The following C8orf74 variants were observed in gnomAD, a reference collection of about 807,000 sequenced individuals.
C8orf74 encodes chromosome 8 open reading frame 74.
In C8orf74, 29 loss-of-function variants were observed where a neutral mutation model predicts 22.2. That is an observed-to-expected ratio of 1.31 (90% CI 0.97 to 1.78). C8orf74 has a LOEUF of 1.78. Ranked by LOEUF, C8orf74 falls within the 40% of genes most tolerant of loss-of-function variation. The pLI, the probability that C8orf74 is intolerant of heterozygous loss-of-function variation, is 0.00. For missense variants in C8orf74, 515 were observed against 369.9 expected, an observed-to-expected ratio of 1.39 and a Z score of -3.22; for synonymous variants, 255 against 163.1, an observed-to-expected ratio of 1.56 and a Z score of -4.30.
chr8:10,684,899 C>A (rs892373770), intron 2 of C8orf74, among the ~76,000 whole-genome samples: 2 of 152,154 alleles, frequency 1.3e-5, no homozygotes, highest in African/African-American at 4.8e-5. Flanking sequence ...TGAGCATGAA[C>A]GCTGAGATAC....
chr8:10,689,792 A>C (rs1586044818), intron 2 of C8orf74: 1 of 152,214 alleles, frequency 6.6e-6, no homozygotes, highest in Non-Finnish European at 1.5e-5. Flanking sequence ...GAGGAAGTAC[A>C]TTTACCCTTC....
chr8:10,697,806 C>G lies in C8orf74; in HGVS notation c.449C>G (p.Pro150Arg). The change falls in exon 3 of 4, where the codon CCC becomes CGC. Residue 150 changes from proline to arginine, a missense_variant. By Grantham distance (103) the Pro-to-Arg change is moderately radical. Coordinates refer to ENST00000304519, the MANE Select transcript of C8orf74 (RefSeq NM_001040032.2). ...AHLEVCMPPH[P>R]LPLAEGMDRD... Reference sequence around the variant, plus strand: ...CTGGAGGTGTGCATGCCACCCCATCCCCTCCCGCTGGCCGAGGGCATGGAC... The same window carrying G: ...CTGGAGGTGTGCATGCCACCCCATCGCCTCCCGCTGGCCGAGGGCATGGAC... 1 of 1,614,032 alleles carries G rather than the reference C, an allele frequency of 6.2e-7. No individual in the cohort carries two copies. The highest frequency in any genetic ancestry group is 2.2e-5 in the East Asian group (1 of 44,888).
chr8:10,676,954 G>T (rs984405734), intron 2 of C8orf74, among the ~76,000 whole-genome samples: 2 of 152,208 alleles, frequency 1.3e-5, no homozygotes, highest in African/African-American at 4.8e-5. Flanking sequence ...GAAAACAGTC[G>T]ATGATGATGC....
chr8:10,678,989 T>A (rs988132637), intron 2 of C8orf74, among the ~76,000 whole-genome samples: 1 of 152,220 alleles, frequency 6.6e-6, no homozygotes, highest in Admixed American at 6.5e-5. Flanking sequence ...GAATTCCAGC[T>A]GCACCTCCTT....
At chr8:10,682,259 C>T (rs1390950817) in intron 2 of C8orf74, among the ~76,000 whole-genome samples, 4 of 152,160 alleles carry the variant, frequency 2.6e-5, no homozygotes, top group Admixed American at 6.5e-5. Flanking sequence ...TCCACAGCGG[C>T]CCTAGATTAA....
chr8:10,687,615 C>CAAAAAAA (rs374455264), intron 2 of C8orf74, among the ~76,000 whole-genome samples: 25 of 52,916 alleles, frequency 4.7e-4, no homozygotes, highest in African/African-American at 9.6e-4. Flanking sequence ...GACTCCATCT[C>CAAAAAAA]AAAAAAAAAA....
chr8:10,694,915 G>A (rs1463433603), intron 2 of C8orf74, among the ~76,000 whole-genome samples: 1 of 151,994 alleles, frequency 6.6e-6, no homozygotes, highest in African/African-American at 2.4e-5. Flanking sequence ...TGGATGGGTG[G>A]ACGGATGGAT....
chr8:10,696,734 C>A (rs1360320871), intron 2 of C8orf74, among the ~76,000 whole-genome samples: 1 of 152,100 alleles, frequency 6.6e-6, no homozygotes, highest in East Asian at 1.9e-4. Flanking sequence ...AGGTGTGAGC[C>A]ATCACGCCCC....
At position 10,674,672 on chromosome 8, in the gene C8orf74, G is replaced by T; in HGVS notation, c.75G>T (p.Arg25=). ...GACCACAAGGTCGGGAGCGCCTGCGGAGGCTTCTGAACTGGGAGGAGTTTG... is the reference window on the plus strand; with the variant it reads ...GACCACAAGGTCGGGAGCGCCTGCGTAGGCTTCTGAACTGGGAGGAGTTTG... ...LQRPQGRERL[R]RLLNWEEFDE... The change falls in exon 2 of 4, where the codon CGG becomes CGT. Residue 25 remains arginine, a synonymous_variant. Transcript: ENST00000304519. The T allele has an allele frequency of 6.2e-7, 1 of 1,610,156 alleles. No individual in the cohort carries two copies. Among genetic ancestry groups the T allele is most frequent in the Non-Finnish European group, 8.5e-7 (1 of 1,178,266 alleles).
intron 2 of C8orf74, chr8:10,687,222 C>A: frequency 4.8e-6 from 2 of 418,628 alleles, no homozygotes; most frequent in Non-Finnish European, 9.8e-6. Context: ...CATATGCATG[C>A]TGTCGCCTAA....
intron 2 of C8orf74, chr8:10,689,129 AAT>A (rs1454911739): frequency 2.6e-5 from 4 of 152,170 alleles, no homozygotes; most frequent in Non-Finnish European, 5.9e-5. Context: ...AATGAAAAGA[AAT>A]AGACACCAAT....
intron 1 of C8orf74, 91 bp downstream of exon 1, chr8:10,672,804 C>A: frequency 1.7e-6 from 2 of 1,211,908 alleles, no homozygotes; most frequent in Non-Finnish European, 2.4e-6. Context: ...CTTCAGGAGA[C>A]CCCGGGGCAG....
chr8:10,700,231 C>G lies in C8orf74; in HGVS notation c.649-4C>G. The G allele has an allele frequency of 6.3e-7, 1 of 1,585,532 alleles. No homozygotes were observed. The highest frequency in any genetic ancestry group is 1.1e-5 in the South Asian group (1 of 89,046). On this transcript the variant is annotated splice_polypyrimidine_tract_variant and splice_region_variant and intron_variant, in intron 3 of 3. Coordinates refer to ENST00000304519, the MANE Select transcript of C8orf74 (RefSeq NM_001040032.2). Reference sequence around the variant, plus strand: ...TGCTCATCGGCCTTCCCCTTTCCTTCCAGGAGTTGGAGAGCCTCATCTGCC... The same window carrying G: ...TGCTCATCGGCCTTCCCCTTTCCTTGCAGGAGTTGGAGAGCCTCATCTGCC...
chr8:10,690,503 G>A (rs1799354238), intron 2 of C8orf74, among the ~76,000 whole-genome samples: 1 of 152,286 alleles, frequency 6.6e-6, no homozygotes, highest in Non-Finnish European at 1.5e-5. Flanking sequence ...GCCAGCCCTG[G>A]TAGGCGCTCA....
intron 2 of C8orf74, among the ~76,000 whole-genome samples, chr8:10,678,703 G>A (rs1300424609): frequency 1.3e-5 from 2 of 152,172 alleles, no homozygotes; most frequent in East Asian, 3.9e-4. Context: ...GACCCACCAG[G>A]AGAGCTGGCT....
chr8:10,694,482 G>A (rs74530659), intron 2 of C8orf74, among the ~76,000 whole-genome samples: 1 of 152,112 alleles, frequency 6.6e-6, no homozygotes, highest in African/African-American at 2.4e-5. Context: ...GGGCTGGAGG[G>A]GAAAGAAGGA....
intron 3 of C8orf74, 52 bp from the exon 4 acceptor site, chr8:10,700,183 G>A (rs1799622562): frequency 5.8e-6 from 7 of 1,204,864 alleles, no homozygotes; most frequent in Non-Finnish European, 7.1e-6. Context: ...TTGAGAACTG[G>A]ATCCGGCGAG....
intron 3 of C8orf74, 93 bp downstream of exon 3, chr8:10,698,098 G>A (rs1366399223): frequency 4.8e-6 from 6 of 1,244,724 alleles, no homozygotes; most frequent in Admixed American, 6.1e-5. Context: ...CTCCTCAGTG[G>A]CACACAGGGG....
chr8:10,687,978 G>A (rs1181413351), intron 2 of C8orf74, among the ~76,000 whole-genome samples: 1 of 152,146 alleles, frequency 6.6e-6, no homozygotes, highest in Non-Finnish European at 1.5e-5. Flanking sequence ...GGCCGAGGTG[G>A]GTGGATCACC....
Sources: gnomAD v4.1 joint callset for allele counts (sites outside exome capture counted in the v4.1 genomes callset) on GRCh38, gnomAD v4.1.1 for gene constraint, MANE v1.5 for transcripts, NCBI Gene and HGNC (gene_info 2026-07-23, HGNC 2026-07-21) for gene names.